EFCAB5: variants seen among roughly 807,000 people sequenced by gnomAD.
EFCAB5 encodes the protein EF-hand calcium binding domain 5, also known as EF-hand calcium-binding domain-containing protein 5.
Under a neutral mutation model 167.9 loss-of-function variants are expected in EFCAB5, and 131 were observed. The ratio of observed to expected loss-of-function variants is 0.78; its 90% CI spans 0.68 to 0.90. The LOEUF (loss-of-function observed/expected upper bound fraction) is 0.90. Ranked by LOEUF, EFCAB5 falls within the 40% of genes least tolerant of loss-of-function variation. The pLI is 0.00. For synonymous variants in EFCAB5, 574 were observed against 602.8 expected (o/e 0.95, Z 0.70); for missense variants, 1,663 against 1,745.2 (o/e 0.95, Z 0.84).
chr17:30,036,644 T>C (rs1185111718), intron 8 of EFCAB5, among the ~76,000 whole-genome samples: 2 of 151,990 alleles, frequency 1.3e-5, no homozygotes, highest in Non-Finnish European at 2.9e-5. Flanking sequence ...CCCAGGCTGT[T>C]CTTGATCTCC....
At chr17:30,030,591 C>T (rs1301003702) in intron 7 of EFCAB5, among the ~76,000 whole-genome samples, 3 of 152,156 alleles carry the variant, frequency 2.0e-5, no homozygotes, top group Non-Finnish European at 4.4e-5. Context: ...GATCCGCCCA[C>T]CTCGGCCTCC....
At chr17:30,072,005 A>G (rs1363869323) in intron 14 of EFCAB5, among the ~76,000 whole-genome samples, 1 of 152,180 alleles carries the variant, frequency 6.6e-6, no homozygotes, top group Non-Finnish European at 1.5e-5. Context: ...GGTTAAGGGT[A>G]GAGGGGATAT....
At chr17:29,993,115 CA>C in intron 4 of EFCAB5, 49 bp from the exon 5 acceptor site, 1 of 1,482,440 alleles carries the variant, frequency 6.7e-7, no homozygotes, top group Non-Finnish European at 9.0e-7. Flanking sequence ...CAATCTGGAC[CA>C]AATCCAAGGG....
chr17:29,941,795 A>AAATG lies in EFCAB5; in HGVS notation c.5_8dup. ...CATTTGGTGATAACTTTTGGAGTCC[A>AAATG]AATGAATGAGTCAGCATCTCAAGAG... On this transcript the variant is annotated 5_prime_UTR_variant, in exon 1 of 23. The change creates a new upstream start codon in the 5' untranslated region. Transcript: ENST00000394835. 1 of 1,604,494 alleles carries AAATG rather than the reference A, an allele frequency of 6.2e-7. No homozygotes were observed. The highest frequency in any genetic ancestry group is 1.1e-5 in the South Asian group (1 of 89,310).
intron 4 of EFCAB5, among the ~76,000 whole-genome samples, chr17:29,973,524 G>A (rs1272582916): frequency 7.0e-6 from 1 of 143,188 alleles, no homozygotes; most frequent in Non-Finnish European, 1.5e-5. Context: ...CTGTCACCCA[G>A]GCCGGAGTGC....
intron 3 of EFCAB5, among the ~76,000 whole-genome samples, chr17:29,959,428 C>A (rs2151555199): frequency 6.6e-6 from 1 of 151,854 alleles, no homozygotes; most frequent in African/African-American, 2.4e-5. Context: ...ATGACCACCA[C>A]AGCTGGGAAT....
intron 3 of EFCAB5, among the ~76,000 whole-genome samples, chr17:29,954,717 C>A (rs2067578988): frequency 6.6e-6 from 1 of 152,196 alleles, no homozygotes; most frequent in Non-Finnish European, 1.5e-5. Flanking sequence ...TGGCCACCAT[C>A]TTCCAAACCC....
chr17:29,977,729 C>G (rs1166110931), intron 4 of EFCAB5, among the ~76,000 whole-genome samples: 1 of 152,174 alleles, frequency 6.6e-6, no homozygotes, highest in African/African-American at 2.4e-5. Context: ...ATTACTTTCT[C>G]TACCACAGCT....
At chr17:29,966,019 G>A (rs186217341) in intron 3 of EFCAB5, among the ~76,000 whole-genome samples, 9 of 151,446 alleles carry the variant, frequency 5.9e-5, no homozygotes, top group East Asian at 5.8e-4. Flanking sequence ...TTTTAATCTC[G>A]TATCCTGTGT....
intron 4 of EFCAB5, among the ~76,000 whole-genome samples, chr17:29,992,592 T>C (rs1021250559): frequency 6.6e-6 from 1 of 152,194 alleles, no homozygotes; most frequent in African/African-American, 2.4e-5. Flanking sequence ...GTGATCCGCC[T>C]GCCTTGGCCT....
At chr17:29,953,274 C>T (rs577169687) in intron 3 of EFCAB5, among the ~76,000 whole-genome samples, 44 of 152,210 alleles carry the variant, frequency 2.9e-4, no homozygotes, top group African/African-American at 9.9e-4. Context: ...GAACACAGTC[C>T]CATTCACAAT....
intron 8 of EFCAB5, among the ~76,000 whole-genome samples, chr17:30,042,826 A>C (rs2069811603): frequency 2.6e-5 from 4 of 152,216 alleles, no homozygotes; most frequent in African/African-American, 9.7e-5. Context: ...ATCCAGACAA[A>C]GATATTTCAA....
intron 14 of EFCAB5, among the ~76,000 whole-genome samples, chr17:30,076,699 C>G (rs2070875148): frequency 6.6e-6 from 1 of 152,200 alleles, no homozygotes; most frequent in South Asian, 2.1e-4. Context: ...CTGTGACTTA[C>G]TAATTTATAA....
intron 22 of EFCAB5, among the ~76,000 whole-genome samples, chr17:30,104,839 TA>T (rs2071427615): frequency 6.6e-6 from 1 of 151,892 alleles, no homozygotes; most frequent in African/African-American, 2.4e-5. Context: ...TCGGTAACAA[TA>T]ACACAGGAAA....
chr17:29,957,886 G>A (rs769199837), intron 3 of EFCAB5, among the ~76,000 whole-genome samples: 2 of 152,012 alleles, frequency 1.3e-5, no homozygotes, highest in Non-Finnish European at 2.9e-5. Flanking sequence ...GGTATTTCTG[G>A]TTCTAGATCT....
At chr17:30,076,581 G>A (rs888511430) in intron 14 of EFCAB5, among the ~76,000 whole-genome samples, 10 of 152,232 alleles carry the variant, frequency 6.6e-5, no homozygotes, top group Non-Finnish European at 2.9e-5. Flanking sequence ...CAAATAAATG[G>A]TGTAGAATAG....
chr17:29,945,068 G>C (rs2067371412), intron 3 of EFCAB5, among the ~76,000 whole-genome samples: 1 of 152,084 alleles, frequency 6.6e-6, no homozygotes, highest in South Asian at 2.1e-4. Context: ...CTTCAAAAAA[G>C]TAGAGAAGAC....
At chr17:29,991,039 C>T (rs1227243502) in intron 4 of EFCAB5, among the ~76,000 whole-genome samples, 1 of 152,200 alleles carries the variant, frequency 6.6e-6, no homozygotes, top group Non-Finnish European at 1.5e-5. Flanking sequence ...ATCATACTTT[C>T]CTTCCTCCTC....
intron 4 of EFCAB5, chr17:29,972,976 G>C (rs1431340493): frequency 2.0e-5 from 3 of 152,856 alleles, no homozygotes; most frequent in Admixed American, 6.5e-5. Context: ...ATTCAGGGTA[G>C]GGGGTCAGAA....
Sources: gnomAD v4.1 joint callset for allele counts (sites outside exome capture counted in the v4.1 genomes callset) on GRCh38, gnomAD v4.1.1 for gene constraint, MANE v1.5 for transcripts, NCBI Gene and HGNC (gene_info 2026-07-23, HGNC 2026-07-21) for gene names.